RTKN2: variants seen among roughly 807,000 people sequenced by gnomAD.
The protein encoded by RTKN2 is rhotekin-2.
In RTKN2, 69 loss-of-function variants were observed where a neutral mutation model predicts 71.5. The ratio of observed to expected loss-of-function variants is 0.96; its 90% CI spans 0.79 to 1.18. The LOEUF (loss-of-function observed/expected upper bound fraction) is 1.18. Ranked by LOEUF, RTKN2 falls within the 50% of genes most tolerant of loss-of-function variation. RTKN2 has a pLI of 0.00. For missense variants in RTKN2, 724 were observed against 719.7 expected (o/e 1.01, Z -0.07); for synonymous variants, 236 against 236.5 (o/e 1.00, Z 0.02).
chr10:62,217,136 C>A lies in RTKN2; in HGVS notation c.1002G>T (p.Leu334Phe), dbSNP rs764119577. 4 of 1,580,304 alleles carry A rather than the reference C, an allele frequency of 2.5e-6. No homozygotes were observed. In the South Asian group the frequency reaches 4.8e-5, roughly 19 times the overall value. ...CCTTTACCTTGTTAATGGGTACTACCAAAGCTGGTTCCACTTTAGCTTCAA... is the reference window on the plus strand; with the variant it reads ...CCTTTACCTTGTTAATGGGTACTACAAAAGCTGGTTCCACTTTAGCTTCAA... ...EEIEAKVEPA[L>F]VVPINKETRI... is the part of the protein sequence containing the mutation. Residue 334 changes from leucine to phenylalanine, a missense_variant, in exon 9 of 12, where the codon TTG becomes TTT. Physicochemically the swap from Leu to Phe is conservative, Grantham distance 22 (BLOSUM62 0). Transcript: ENST00000373789.
chr10:62,218,793 C>T (rs1841836270), intron 7 of RTKN2, among the ~76,000 whole-genome samples: 1 of 149,456 alleles, frequency 6.7e-6, no homozygotes, highest in African/African-American at 2.5e-5. Flanking sequence ...TGAGATCAGC[C>T]TGGCCAATAT....
chr10:62,258,554 T>G (rs1842715395), intron 2 of RTKN2, among the ~76,000 whole-genome samples: 1 of 152,190 alleles, frequency 6.6e-6, no homozygotes, highest in Non-Finnish European at 1.5e-5. Flanking sequence ...AATTATTTAC[T>G]CTCATCTTTT....
At chr10:62,249,257 G>A (rs1031652338) in intron 2 of RTKN2, among the ~76,000 whole-genome samples, 1 of 151,848 alleles carries the variant, frequency 6.6e-6, no homozygotes, top group South Asian at 2.1e-4. Flanking sequence ...TCACAATTAT[G>A]TTGAATGACA....
Position 62,195,802 on chromosome 10 carries a change from T to A in RTKN2, c.*2106A>T, listed in dbSNP as rs914382760. ...CTGGGCCCCCCAGAAAGAGACCGAA[T>A]AATTTGGTGGGGAGGGGGTGGTGGT... On this transcript the variant is annotated 3_prime_UTR_variant, in exon 12 of 12. Transcript: ENST00000373789. The A allele has an allele frequency of 1.0e-6, 1 of 985,318 alleles. No homozygotes were observed. The highest frequency in any genetic ancestry group is 1.7e-5 in the African/African-American group (1 of 57,208). 61.0% of individuals were successfully genotyped at this position (985,318 alleles called of 1,614,324 possible).
intron 2 of RTKN2, among the ~76,000 whole-genome samples, chr10:62,252,475 G>A (rs1471588271): frequency 6.6e-6 from 1 of 152,072 alleles, no homozygotes; most frequent in African/African-American, 2.4e-5. Context: ...ATTTTGGAAA[G>A]TACAACGGAA....
At chr10:62,233,534 T>A (rs1393355250) in intron 6 of RTKN2, among the ~76,000 whole-genome samples, 1 of 151,974 alleles carries the variant, frequency 6.6e-6, no homozygotes, top group Non-Finnish European at 1.5e-5. Flanking sequence ...TGGGACTGAT[T>A]CACGGGTCAT....
At chr10:62,266,010 A>G (rs1469096769) in intron 1 of RTKN2, among the ~76,000 whole-genome samples, 1 of 152,204 alleles carries the variant, frequency 6.6e-6, no homozygotes, top group Non-Finnish European at 1.5e-5. Flanking sequence ...TTTGAATGCC[A>G]GTCTCCAGGA....
chr10:62,245,835 T>C (rs766839658), intron 3 of RTKN2, among the ~76,000 whole-genome samples, 164 bp downstream of exon 3: 9 of 152,096 alleles, frequency 5.9e-5, no homozygotes, highest in Non-Finnish European at 1.2e-4. Context: ...AAGTTCTATA[T>C]CAATGTAGCA....
intron 1 of RTKN2, among the ~76,000 whole-genome samples, chr10:62,267,084 TA>T (rs1842881325): frequency 6.6e-6 from 1 of 152,210 alleles, no homozygotes; most frequent in Non-Finnish European, 1.5e-5. Context: ...TAGTCAAGTA[TA>T]AAATTATCTG....
chr10:62,227,082 T>G (rs1842041092), intron 6 of RTKN2, among the ~76,000 whole-genome samples: 1 of 152,196 alleles, frequency 6.6e-6, no homozygotes, highest in African/African-American at 2.4e-5. Flanking sequence ...AAGAAAAGAT[T>G]ATCGACAATA....
chr10:62,244,563 CTGAG>C (rs1564522377), intron 3 of RTKN2, among the ~76,000 whole-genome samples: 2 of 151,980 alleles, frequency 1.3e-5, no homozygotes, highest in Non-Finnish European at 2.9e-5. Context: ...CATTTATATA[CTGAG>C]TGACACTATA....
intron 9 of RTKN2, 54 bp downstream of exon 9, chr10:62,217,064 A>C (rs887029030): frequency 2.1e-6 from 3 of 1,399,818 alleles, no homozygotes; most frequent in Admixed American, 5.0e-5. Flanking sequence ...CTGCACAGAC[A>C]AAAACAAACT....
Position 62,198,228 on chromosome 10 carries a change from C to G in RTKN2, c.1510G>C (p.Ala504Pro), listed in dbSNP as rs373658076. ...AGTTTATCAGAAGGAGGAAGGGGAGCTTGTCTCTTTTTCCCTTTTTCATCA... is the reference window on the plus strand; with the variant it reads ...AGTTTATCAGAAGGAGGAAGGGGAGGTTGTCTCTTTTTCCCTTTTTCATCA... ...LHDEKGKKRQ[A>P]PLPPSDKLPF... The change falls in exon 12 of 12, where the codon GCT (alanine) becomes CCT (proline). Residue 504 changes from alanine (A) to proline (P), a missense_variant. By Grantham distance (27) the Ala-to-Pro change is conservative (BLOSUM62 -1). Transcript: ENST00000373789. 4.8e-5 allele frequency: 78 copies of G among 1,613,810 alleles called. No homozygotes were observed. The Middle Eastern group carries it at 1.8e-3, about 37-fold the overall frequency.
chr10:62,197,155 G>A lies in RTKN2; in HGVS notation c.*753C>T. ...GCTACTCACTTCCCTAAATTCCAAA[G>A]TCACAATGGAAATTAGCACCACACA... is the stretch of plus-strand genomic sequence containing the variant. On this transcript the variant is annotated 3_prime_UTR_variant, in exon 12 of 12. Coordinates refer to ENST00000373789, the MANE Select transcript of RTKN2 (RefSeq NM_145307.4). The A allele has an allele frequency of 1.0e-6, 1 of 985,358 alleles. No individual in the cohort carries two copies. Among genetic ancestry groups the A allele is most frequent in the South Asian group, 4.7e-5 (1 of 21,288 alleles). The allele number at this position is 985,358 out of a possible 1,614,324, so 61.0% of individuals were successfully genotyped here. A position where few individuals can be genotyped will look rare whatever the true frequency, so the allele number is the denominator to read the frequency against.
chr10:62,198,614 T>C lies in RTKN2; in HGVS notation c.1295-171A>G, dbSNP rs148379229. On this transcript the variant is annotated intron_variant, in intron 11 of 11. Transcript: ENST00000373789. ...CACACCATCAGAACTAAAAAGATCA[T>C]GCGCTGCACTAATCATACATTATAT... Among the ~76,000 whole-genome samples the C allele has an allele frequency of 4.9e-3, 749 of 152,182 alleles. 2 individuals are homozygous for C. The highest frequency in any genetic ancestry group is 0.014 in the Middle Eastern group (4 of 292).
intron 5 of RTKN2, chr10:62,238,449 A>C (rs1842303455): frequency 6.6e-6 from 1 of 151,948 alleles, no homozygotes; most frequent in African/African-American, 2.4e-5. Context: ...TTTTGTCTCC[A>C]TGATCAAAAC....
intron 8 of RTKN2, 129 bp from the exon 9 acceptor site, chr10:62,217,378 A>C (rs1589348498): frequency 1.5e-6 from 1 of 657,376 alleles, no homozygotes; most frequent in Non-Finnish European, 2.4e-6. Flanking sequence ...ATTATCCATT[A>C]ATTTGATATA....
At chr10:62,259,981 C>T (rs1380932157) in intron 2 of RTKN2, among the ~76,000 whole-genome samples, 1 of 152,196 alleles carries the variant, frequency 6.6e-6, no homozygotes, top group African/African-American at 2.4e-5. Flanking sequence ...CCATTTCACA[C>T]TTATTGGATT....
At chr10:62,185,784 C>CCACCTTGCAGA (rs1841126300) in intron 8 of RTKN2, among the ~76,000 whole-genome samples, 1 of 152,208 alleles carries the variant, frequency 6.6e-6, no homozygotes, top group Non-Finnish European at 1.5e-5. Context: ...CACCTTGCAG[C>CCACCTTGCAGA]CACCCCAATT....
Sources: gnomAD v4.1 joint callset for allele counts (sites outside exome capture counted in the v4.1 genomes callset) on GRCh38, gnomAD v4.1.1 for gene constraint, MANE v1.5 for transcripts, NCBI Gene and HGNC (gene_info 2026-07-23, HGNC 2026-07-21) for gene names.